The following CTNND2 variants were observed in gnomAD, a reference collection of about 807,000 sequenced individuals.
CTNND2 encodes the protein catenin delta 2.
A neutral mutation model predicts 144.4 loss-of-function variants in CTNND2; 22 were observed. The observed-to-expected ratio is 0.15, with a 90% CI of 0.11 to 0.22. CTNND2 has a LOEUF of 0.22. CTNND2 is among the 10% of genes least tolerant of loss of function. The probability of loss-of-function intolerance (pLI) is 1.00; values close to 1 mark genes in which losing one functional copy is unlikely to be tolerated. For missense variants in CTNND2, 1,353 were observed against 1,618.8 expected, an observed-to-expected ratio of 0.84 and a Z score of 2.82; for synonymous variants, 751 against 695.6, an observed-to-expected ratio of 1.08 and a Z score of -1.25.
intron 2 of CTNND2, among the ~76,000 whole-genome samples, chr5:11,692,567 C>A (rs548785350): frequency 6.6e-6 from 1 of 152,146 alleles, no homozygotes; most frequent in African/African-American, 2.4e-5. Flanking sequence ...AGAAGATAAA[C>A]GCCATTAGGT....
intron 7 of CTNND2, among the ~76,000 whole-genome samples, chr5:11,366,476 C>T (rs61749858): frequency 0.019 from 2,837 of 152,092 alleles, 87 homozygotes; most frequent in African/African-American, 0.065. Flanking sequence ...GATAGCGCTC[C>T]GATGAATGAC....
chr5:11,838,374 G>C (rs1794287223), intron 1 of CTNND2, among the ~76,000 whole-genome samples: 1 of 152,172 alleles, frequency 6.6e-6, no homozygotes, highest in Non-Finnish European at 1.5e-5. Flanking sequence ...TTCTCTGCCA[G>C]ATGTGAAGTA....
intron 10 of CTNND2, among the ~76,000 whole-genome samples, chr5:11,229,726 G>A (rs1740789739): frequency 6.6e-6 from 1 of 150,668 alleles, no homozygotes; most frequent in Non-Finnish European, 1.5e-5. Flanking sequence ...ATACAACTGT[G>A]TATATATACA....
At chr5:11,174,166 G>T (rs956239745) in intron 11 of CTNND2, among the ~76,000 whole-genome samples, 2 of 152,174 alleles carry the variant, frequency 1.3e-5, no homozygotes, top group South Asian at 2.1e-4. Flanking sequence ...GTGGGCTCCA[G>T]TTTGGGATGT....
chr5:11,211,988 TA>T (rs1738683854), intron 10 of CTNND2, among the ~76,000 whole-genome samples: 1 of 152,206 alleles, frequency 6.6e-6, no homozygotes, highest in Admixed American at 6.5e-5. Context: ...ATTAAACCGG[TA>T]AAAATTGTAT....
intron 19 of CTNND2, among the ~76,000 whole-genome samples, chr5:10,990,854 G>T (rs906176945): frequency 1.3e-5 from 2 of 152,168 alleles, no homozygotes; most frequent in African/African-American, 4.8e-5. Context: ...CTGCCTGCTC[G>T]CGAGAAAAGG....
At chr5:11,878,407 G>C (rs1350955816) in intron 1 of CTNND2, among the ~76,000 whole-genome samples, 2 of 152,138 alleles carry the variant, frequency 1.3e-5, no homozygotes, top group African/African-American at 4.8e-5. Context: ...GCCCAAGTAA[G>C]GTAGGGTTCA....
chr5:11,374,642 A>C lies in CTNND2; in HGVS notation c.1178-9752T>G, dbSNP rs139546919. On this transcript the variant is annotated intron_variant, in intron 7 of 21. Coordinates refer to ENST00000304623, the MANE Select transcript of CTNND2 (RefSeq NM_001332.4). ...TCAACAAGTGGCATTTTATTTCTCA[A>C]CAGCTGTGTCTCAATACCCCATCAG... Among the ~76,000 whole-genome samples the C allele has an allele frequency of 2.7e-4, 41 of 152,260 alleles. No homozygotes were observed. In the East Asian group the frequency reaches 6.0e-3, roughly 22 times the overall value.
intron 2 of CTNND2, among the ~76,000 whole-genome samples, chr5:11,697,836 A>G (rs945174307): frequency 6.6e-6 from 1 of 152,184 alleles, no homozygotes; most frequent in Non-Finnish European, 1.5e-5. Context: ...GGATAATTTA[A>G]ACTGCAGCCT....
intron 9 of CTNND2, among the ~76,000 whole-genome samples, chr5:11,258,825 T>A (rs937760748): frequency 5.9e-5 from 9 of 152,372 alleles, no homozygotes; most frequent in African/African-American, 2.2e-4. Flanking sequence ...ACAGAAAAAT[T>A]CTGTACATTC....
At chr5:11,625,812 TTCAA>T (rs1561633331) in intron 2 of CTNND2, among the ~76,000 whole-genome samples, 1 of 152,140 alleles carries the variant, frequency 6.6e-6, no homozygotes, top group Non-Finnish European at 1.5e-5. Flanking sequence ...GAATGAACTC[TTCAA>T]TCAATAAGAT....
rs577040174 is a variant in CTNND2 at position 11,577,898 on chromosome 5, G to C, written c.175-12842C>G. ...TTTGAGGGTCAATAGTGTAAACATG[G>C]ATCTTGCACTATATTGCACTGCAAG... On this transcript the variant is annotated intron_variant, in intron 2 of 21. Transcript: ENST00000304623. Among the ~76,000 whole-genome samples the C allele has an allele frequency of 1.6e-3, 250 of 152,226 alleles. 2 individuals carry two copies. The highest frequency in any genetic ancestry group is 5.9e-3 in the African/African-American group (246 of 41,528).
Position 10,991,202 on chromosome 5 carries a change from A to G in CTNND2, c.3211+1349T>C, listed in dbSNP as rs185504912. The stretch of plus-strand genomic sequence containing the variant: ...AGCGGGCCATTTATTTCAGTCAGAT[A>G]TTGGCCATTCATTTCTCATCATGTT... On this transcript the variant is annotated intron_variant, in intron 19 of 21. Transcript: ENST00000304623. 2.2e-3 allele frequency among the ~76,000 whole-genome samples: 333 copies of G among 152,270 alleles called. 4 individuals are homozygous for G. The highest frequency in any genetic ancestry group is 5.0e-4 in the Non-Finnish European group (34 of 68,036).
At chr5:11,388,094 G>T (rs889357534) in intron 6 of CTNND2, among the ~76,000 whole-genome samples, 1 of 152,118 alleles carries the variant, frequency 6.6e-6, no homozygotes, top group Non-Finnish European at 1.5e-5. Flanking sequence ...GATATTATAG[G>T]ATCTTGGTAA....
chr5:11,486,496 CTT>C (rs954686458), intron 3 of CTNND2, among the ~76,000 whole-genome samples: 1 of 151,952 alleles, frequency 6.6e-6, no homozygotes, highest in Admixed American at 6.6e-5. Flanking sequence ...TGTGTATAGT[CTT>C]TTTTTCCCCC....
chr5:11,436,993 T>C (rs1034402195), intron 3 of CTNND2, among the ~76,000 whole-genome samples: 1 of 152,170 alleles, frequency 6.6e-6, no homozygotes, highest in Non-Finnish European at 1.5e-5. Flanking sequence ...TTTCCCAATA[T>C]TGAAATAAAC....
At chr5:11,585,480 A>ATC (rs762472557) in intron 2 of CTNND2, among the ~76,000 whole-genome samples, 11 of 87,092 alleles carry the variant, frequency 1.3e-4, no homozygotes, top group African/African-American at 4.6e-4. Context: ...TATTTTATCT[A>ATC]TGTATATCTA....
chr5:11,407,457 T>C (rs1037458178), intron 5 of CTNND2, among the ~76,000 whole-genome samples: 1 of 152,348 alleles, frequency 6.6e-6, no homozygotes, highest in Non-Finnish European at 1.5e-5. Context: ...AAAATCAGCA[T>C]AGCAGAGCAG....
chr5:11,846,573 A>G (rs1794745239), intron 1 of CTNND2, among the ~76,000 whole-genome samples: 1 of 152,176 alleles, frequency 6.6e-6, no homozygotes, highest in Non-Finnish European at 1.5e-5. Context: ...AAGCAGAGAC[A>G]ATAAAAGCAA....
Sources: gnomAD v4.1 joint callset for allele counts (sites outside exome capture counted in the v4.1 genomes callset) on GRCh38, gnomAD v4.1.1 for gene constraint, MANE v1.5 for transcripts, NCBI Gene and HGNC (gene_info 2026-07-23, HGNC 2026-07-21) for gene names.